The following ANKRD36C variants were observed in gnomAD, a reference collection of about 807,000 sequenced individuals.
ANKRD36C encodes ankyrin repeat domain 36C, also known as ankyrin repeat domain-containing protein 36C.
Under a neutral mutation model 276.4 loss-of-function variants are expected in ANKRD36C, and 61 were observed. The observed-to-expected ratio is 0.22, with a 90% CI of 0.18 to 0.27. The LOEUF is 0.27. ANKRD36C is among the 10% of genes least tolerant of loss of function. ANKRD36C has a pLI of 1.00. For missense variants in ANKRD36C, 1,447 were observed against 2,032.3 expected (o/e 0.71, Z 5.54); for synonymous variants, 483 against 680.1 (o/e 0.71, Z 4.51).
rs1226086266 is a variant in ANKRD36C, at chr2:95,946,622, A to G, written c.1363-1448T>C. Among the ~76,000 whole-genome samples, 19 of 148,642 alleles carry G rather than the reference A, an allele frequency of 1.3e-4. No individual in the cohort carries two copies. In the South Asian group the frequency reaches 2.0e-3, roughly 15 times the overall value. ...ACACATGCACACGTATGTTTATTGC[A>G]GCATTATTCACAATAGCAAAGACTT... On this transcript the variant is annotated intron_variant, in intron 17 of 66. Coordinates refer to ENST00000456556, the Ensembl canonical transcript of ANKRD36C.
intron 6 of ANKRD36C, among the ~76,000 whole-genome samples, chr2:95,973,582 A>T (rs1448936777): frequency 6.6e-6 from 1 of 152,218 alleles, no homozygotes; most frequent in African/African-American, 2.4e-5. Flanking sequence ...AAAACTAAAA[A>T]TATCTATTAA....
intron 47 of ANKRD36C, 26 bp from the exon 68 acceptor site, chr2:95,889,897 T>A: frequency 6.2e-7 from 1 of 1,607,206 alleles, no homozygotes; most frequent in South Asian, 1.1e-5. Context: ...AACACAACAG[T>A]CAATAAATAA....
chr2:95,989,942 CTTGT>C (rs1429390029), intron 1 of ANKRD36C, among the ~76,000 whole-genome samples: 6 of 151,980 alleles, frequency 3.9e-5, no homozygotes, highest in African/African-American at 1.2e-4. Flanking sequence ...AATGAGAGCT[CTTGT>C]TTATTTGAAG....
chr2:95,920,173 C>T (rs1411852677), intron 34 of ANKRD36C, among the ~76,000 whole-genome samples: 1 of 131,930 alleles, frequency 7.6e-6, no homozygotes, highest in Non-Finnish European at 1.7e-5. Context: ...AAAATAAAAC[C>T]GTGTCAATAT....
intron 3 of ANKRD36C, among the ~76,000 whole-genome samples, chr2:95,983,696 C>T (rs866019094): frequency 3.3e-5 from 5 of 151,708 alleles, no homozygotes; most frequent in Non-Finnish European, 7.4e-5. Context: ...CTGCAACCTC[C>T]GCCTCCCGGA....
chr2:95,887,499 G>A (rs1375645124), intron 50 of ANKRD36C, among the ~76,000 whole-genome samples: 1 of 151,278 alleles, frequency 6.6e-6, no homozygotes, highest in Non-Finnish European at 1.5e-5. Context: ...TATATCAGTG[G>A]TCTCCTTAGT....
chr2:95,860,091 A>C lies in ANKRD36C; in HGVS notation c.3683-17T>G. On this transcript the variant is annotated splice_polypyrimidine_tract_variant and intron_variant, in intron 60 of 66. Transcript: ENST00000456556. ...GAACACAATCTGTAACCAGGAAAAA[A>C]CAAAGTAGAGATAAAATACATGAGT... The C allele has an allele frequency of 6.9e-7, 1 of 1,448,730 alleles. No individual in the cohort carries two copies. Among genetic ancestry groups the C allele is most frequent in the Non-Finnish European group, 9.4e-7 (1 of 1,062,062 alleles). The allele number at this position is 1,448,730 out of a possible 1,614,324, so 89.7% of individuals were successfully genotyped here. A position where few individuals can be genotyped will look rare whatever the true frequency, so the allele number is the denominator to read the frequency against.
intron 66 of ANKRD36C, among the ~76,000 whole-genome samples, chr2:95,851,436 C>G (rs1675289802): frequency 6.6e-6 from 1 of 152,096 alleles, no homozygotes. Context: ...ACTTTCTTAC[C>G]TGCAAAAAAT....
downstream of ANKRD36C, chr2:95,848,983 G>C (rs1172729464): frequency 2.5e-6 from 1 of 404,064 alleles, no homozygotes; most frequent in Admixed American, 3.3e-5. Context: ...ACATTTAATG[G>C]GAAACAAAAT....
intron 64 of ANKRD36C, chr2:95,853,127 G>C (rs1042695333): frequency 6.5e-6 from 1 of 152,916 alleles, no homozygotes; most frequent in Non-Finnish European, 1.5e-5. Flanking sequence ...TATAGAGACA[G>C]AGTGTGCTCT....
chr2:95,978,784 T>A (rs1319202753), intron 5 of ANKRD36C, among the ~76,000 whole-genome samples: 1 of 152,076 alleles, frequency 6.6e-6, no homozygotes, highest in Non-Finnish European at 1.5e-5. Context: ...ATTCAGGTTA[T>A]CTCAACTATT....
In ANKRD36C at chr2:95,944,662, T is replaced by C. The variant is rs77220524; in HGVS notation, c.1456A>G (p.Asn486Asp). ...TTTTGGTCTTCAAACAAGGTTCCAT[T>C]TTCTGTTTTGTCAATGCCACATGCA... The change falls in exon 19 of 67, where the codon AAT (asparagine) becomes GAT (aspartate). Residue 486 changes from asparagine (N) to aspartate (D), a missense_variant. This residue lies in a region of ANKRD36C where 28 missense variants were observed against 26.3 expected (regional missense o/e 1.07). Transcript: ENST00000456556. 6.9e-6 allele frequency: 10 copies of C among 1,456,798 alleles called. No individual in the cohort carries two copies. The East Asian group carries it at 8.1e-5, about 12-fold the overall frequency. 90.2% of individuals were successfully genotyped at this position (1,456,798 alleles called of 1,614,324 possible). A position where few individuals can be genotyped will look rare whatever the true frequency, so the allele number is the denominator to read the frequency against.
chr2:95,969,339 A>G (rs1327283010), intron 6 of ANKRD36C, among the ~76,000 whole-genome samples: 1 of 152,194 alleles, frequency 6.6e-6, no homozygotes, highest in African/African-American at 2.4e-5. Flanking sequence ...TGAAGACCAA[A>G]TATATATTTC....
chr2:95,979,043 T>C (rs548623895), intron 5 of ANKRD36C, among the ~76,000 whole-genome samples: 2 of 151,764 alleles, frequency 1.3e-5, no homozygotes, highest in African/African-American at 4.8e-5. Context: ...CCTACTTTCA[T>C]TTTTTTTAAG....
chr2:95,889,720 C>A (rs1415937018), intron 48 of ANKRD36C, 79 bp downstream of exon 68: 1 of 1,496,334 alleles, frequency 6.7e-7, no homozygotes. Context: ...TTTGACGAAC[C>A]CCCCGCTGCT....
intron 6 of ANKRD36C, among the ~76,000 whole-genome samples, chr2:95,967,145 T>C (rs1407287057): frequency 6.6e-6 from 1 of 152,214 alleles, no homozygotes; most frequent in Non-Finnish European, 1.5e-5. Context: ...ATACCGTTTA[T>C]TTCTTTCTCT....
chr2:95,965,452 T>G (rs1327597937), intron 6 of ANKRD36C, among the ~76,000 whole-genome samples: 6 of 152,114 alleles, frequency 3.9e-5, no homozygotes, highest in African/African-American at 1.4e-4. Flanking sequence ...CTTACTGTCA[T>G]TCTCTGAAAA....
intron 6 of ANKRD36C, among the ~76,000 whole-genome samples, chr2:95,963,936 CATATATAAATATAT>C (rs1165340992): frequency 5.7e-5 from 6 of 105,332 alleles, no homozygotes; most frequent in Admixed American, 1.1e-4. Context: ...CAAATATATA[CATATATAAATATAT>C]ATATATAAAT....
At chr2:95,849,891 G>C (rs1675252533), downstream of ANKRD36C, among the ~76,000 whole-genome samples, 1 of 152,172 alleles carries the variant, frequency 6.6e-6, no homozygotes. Flanking sequence ...TCGCTTGCCT[G>C]CCACTCACCT....
Sources: allele counts gnomAD v4.1 joint callset (sites outside exome capture counted in the v4.1 genomes callset), GRCh38; gene constraint gnomAD v4.1.1; regional missense constraint gnomAD v4.1.1; transcripts MANE v1.5; gene names NCBI Gene and HGNC (gene_info 2026-07-23, HGNC 2026-07-21).